The following SCOC variants were observed in gnomAD, a reference collection of about 807,000 sequenced individuals.
SCOC encodes short coiled-coil protein, also known as short coiled coil protein.
A neutral mutation model predicts 9.9 loss-of-function variants in SCOC; 7 were observed. The observed-to-expected ratio is 0.71, with a 90% CI of 0.40 to 1.33. The LOEUF (loss-of-function observed/expected upper bound fraction) is 1.33. Ranked by LOEUF, SCOC falls within the 40% of genes most tolerant of loss-of-function variation. The pLI is 0.01. For synonymous variants in SCOC, 19 were observed against 28.2 expected (o/e 0.67, Z 1.03); for missense variants, 66 against 89.7 (o/e 0.74, Z 1.07).
intron 1 of SCOC, among the ~76,000 whole-genome samples, chr4:140,280,573 G>T (rs1731075731): frequency 6.6e-6 from 1 of 152,162 alleles, no homozygotes; most frequent in Admixed American, 6.5e-5. Flanking sequence ...CTCAGTCATT[G>T]CTTATTTAAT....
upstream of SCOC, among the ~76,000 whole-genome samples, chr4:140,371,567 GAAT>G (rs1191302065): frequency 2.0e-5 from 3 of 152,274 alleles, no homozygotes; most frequent in East Asian, 5.8e-4. Flanking sequence ...CAACAGTAAT[GAAT>G]AATAGTTTTT....
intron 2 of SCOC, among the ~76,000 whole-genome samples, chr4:140,367,901 T>G (rs756579264): frequency 6.6e-6 from 1 of 152,214 alleles, no homozygotes; most frequent in Non-Finnish European, 1.5e-5. Flanking sequence ...AGATTGACTC[T>G]TAAATATAGG....
At chr4:140,345,245 A>G (rs570589717) in intron 2 of SCOC, among the ~76,000 whole-genome samples, 36 of 152,302 alleles carry the variant, frequency 2.4e-4, no homozygotes, top group Middle Eastern at 3.4e-3. Flanking sequence ...GAGAGGACCA[A>G]CGTCCCCTTG....
At chr4:140,299,141 G>A (rs566666173) in intron 1 of SCOC, among the ~76,000 whole-genome samples, 38 of 152,280 alleles carry the variant, frequency 2.5e-4, no homozygotes, top group African/African-American at 9.1e-4. Context: ...TTTATTTTTT[G>A]TAGGTACATA....
intron 2 of SCOC, among the ~76,000 whole-genome samples, chr4:140,354,845 T>C (rs964269437): frequency 6.6e-6 from 1 of 152,126 alleles, no homozygotes; most frequent in African/African-American, 2.4e-5. Flanking sequence ...GTTGGTTTCT[T>C]TGGAAATCCT....
intron 2 of SCOC, among the ~76,000 whole-genome samples, chr4:140,362,302 T>TTCTTCTTCTTCTTCTTCTTCTTCTTC (rs1727582964): frequency 2.5e-4 from 7 of 27,850 alleles, no homozygotes; most frequent in Non-Finnish European, 4.4e-4. Flanking sequence ...TCTTCTTCTT[T>TTCTTCTTCTTCTTCTTCTTCTTCTTC]TTTTTTTTTT....
intron 1 of SCOC, among the ~76,000 whole-genome samples, chr4:140,290,703 C>T (rs1022149367): frequency 5.9e-5 from 9 of 152,142 alleles, no homozygotes; most frequent in Admixed American, 3.9e-4. Context: ...GTCTTAGCTA[C>T]TTGGGAGGCT....
chr4:140,383,692 A>G lies in SCOC; in HGVS notation c.*2588A>G, dbSNP rs533468192. 9 of 152,210 alleles carry G rather than the reference A, an allele frequency of 5.9e-5. No homozygotes were observed. The highest frequency in any genetic ancestry group is 1.3e-4 in the Non-Finnish European group (9 of 68,032). The allele number at this position is 152,210 out of a possible 1,614,324, so 9.4% of individuals were successfully genotyped here. Reference sequence around the variant, plus strand: ...TTCACTCCATGGGAATTGTGAAGACAGTCCACTTCCTGCTGGTGTGAATTT... The same window carrying G: ...TTCACTCCATGGGAATTGTGAAGACGGTCCACTTCCTGCTGGTGTGAATTT... On this transcript the variant is annotated 3_prime_UTR_variant, in exon 4 of 4. Coordinates refer to ENST00000608372, the MANE Select transcript of SCOC (RefSeq NM_001153484.2).
Position 140,351,697 on chromosome 4 carries a change from A to G in SCOC, c.70+7989A>G, listed in dbSNP as rs573067685. ...AGCAGCCCGGGTTTGAAAAGCTTTC[A>G]GAAGGCCATCTGCCGTCCCCTCAGC... On this transcript the variant is annotated intron_variant, in intron 2 of 4. Coordinates refer to the SCOC transcript ENST00000338517. 4.1e-3 allele frequency among the ~76,000 whole-genome samples: 621 copies of G among 152,036 alleles called. 4 individuals are homozygous for G. Among genetic ancestry groups the G allele is most frequent in the African/African-American group, 0.014 (599 of 41,472 alleles).
chr4:140,346,162 G>A (rs936850426), intron 2 of SCOC, among the ~76,000 whole-genome samples: 9 of 152,052 alleles, frequency 5.9e-5, no homozygotes, highest in Admixed American at 4.6e-4. Flanking sequence ...TGGCAGTGGC[G>A]GTGTTTGTTC....
intron 1 of SCOC, among the ~76,000 whole-genome samples, chr4:140,277,064 C>G (rs1731001117): frequency 6.6e-6 from 1 of 152,158 alleles, no homozygotes. Context: ...GAATTTTAGG[C>G]TCTTCAGAAT....
At chr4:140,262,305 C>A (rs1334152654) in intron 1 of SCOC, among the ~76,000 whole-genome samples, 2 of 152,152 alleles carry the variant, frequency 1.3e-5, no homozygotes, top group Non-Finnish European at 2.9e-5. Context: ...TGTTTATGGG[C>A]ACCTTTGTTT....
chr4:140,300,537 C>T (rs1731783759), intron 1 of SCOC, among the ~76,000 whole-genome samples: 1 of 152,208 alleles, frequency 6.6e-6, no homozygotes, highest in Non-Finnish European at 1.5e-5. Flanking sequence ...ATTCTCAGAA[C>T]AGCACTGGAG....
At chr4:140,343,717 A>G (rs16998462) in intron 2 of SCOC, 224,024 of 1,597,650 alleles carry the variant, frequency 0.14, 19,071 homozygotes, top group African/African-American at 0.36. Context: ...AGGTAAGGAA[A>G]AAATGGATAA....
At chr4:140,323,459 A>T (rs11100611) in intron 1 of SCOC, among the ~76,000 whole-genome samples, 46,628 of 152,044 alleles carry the variant, frequency 0.31, 7,977 homozygotes, top group East Asian at 0.52. Context: ...ACTGATTCTT[A>T]GATAAAGTCA....
chr4:140,364,721 A>G (rs1389462010), intron 2 of SCOC, among the ~76,000 whole-genome samples: 1 of 152,202 alleles, frequency 6.6e-6, no homozygotes, highest in Non-Finnish European at 1.5e-5. Context: ...GATTGTTTCC[A>G]TCAATGCTTT....
upstream of SCOC, among the ~76,000 whole-genome samples, chr4:140,370,894 CTT>C (rs200698292): frequency 9.4e-4 from 135 of 142,934 alleles, no homozygotes; most frequent in Non-Finnish European, 1.5e-3. Context: ...TGTCTGAATT[CTT>C]TTTTTTTTTT....
chr4:140,346,054 G>T (rs994035590), intron 2 of SCOC, among the ~76,000 whole-genome samples: 4 of 152,122 alleles, frequency 2.6e-5, no homozygotes, highest in Non-Finnish European at 5.9e-5. Context: ...GCCTCTCCAG[G>T]AAGTGATAGA....
chr4:140,357,829 C>T (rs558002616), intron 2 of SCOC, among the ~76,000 whole-genome samples: 6 of 151,480 alleles, frequency 4.0e-5, no homozygotes, highest in African/African-American at 1.2e-4. Context: ...TAAAGAATGA[C>T]GAATAGTAGC....
Sources: allele counts gnomAD v4.1 joint callset (sites outside exome capture counted in the v4.1 genomes callset), GRCh38; gene constraint gnomAD v4.1.1; transcripts MANE v1.5; gene names NCBI Gene and HGNC (gene_info 2026-07-23, HGNC 2026-07-21).